ZKSCAN8: variants seen among roughly 807,000 people sequenced by gnomAD.
ZKSCAN8 encodes zinc finger with KRAB and SCAN domains 8, also known as zinc finger protein with KRAB and SCAN domains 8.
ZKSCAN8 carries 27 observed loss-of-function variants against 57.2 expected under a neutral mutation model. The observed-to-expected ratio is 0.47, with a 90% CI of 0.35 to 0.65. ZKSCAN8 has a LOEUF of 0.65. ZKSCAN8 is among the 30% of genes least tolerant of loss of function. ZKSCAN8 has a pLI of 0.01. For synonymous variants in ZKSCAN8, 214 were observed against 248.7 expected (o/e 0.86, Z 1.31); for missense variants, 597 against 696.3 (o/e 0.86, Z 1.60).
chr6:28,153,499 C>G lies in ZKSCAN8; in HGVS notation c.1219C>G (p.Gln407Glu), dbSNP rs1195286725. The G allele has an allele frequency of 2.5e-6, 4 of 1,610,830 alleles. No individual in the cohort carries two copies. The highest frequency in any genetic ancestry group is 2.5e-6 in the Non-Finnish European group (3 of 1,177,994). Residue 407 changes from glutamine (Q) to glutamate (E), a missense_variant, in exon 6 of 6, where the codon CAG becomes GAG. Gln to Glu is a conservative substitution (Grantham distance 29). Coordinates refer to ENST00000330236, the MANE Select transcript of ZKSCAN8 (RefSeq NM_006298.4). ...QRIHTGEKPY[Q>E]CNQCGKAFSQ... ...AATCCACACTGGGGAGAAGCCATAT[C>G]AGTGCAATCAGTGTGGGAAGGCTTT...
intron 1 of ZKSCAN8, 118 bp from the exon 2 acceptor site, chr6:28,148,198 G>T: frequency 2.0e-6 from 1 of 501,372 alleles, no homozygotes; most frequent in Non-Finnish European, 3.5e-6. Context: ...CAGTGGGGAG[G>T]ATCATTTAAT....
At position 28,145,535 on chromosome 6, in the gene ZKSCAN8, T is replaced by TA. The variant is rs949962060; in HGVS notation, c.-92-2770dup. 1.5e-3 allele frequency among the ~76,000 whole-genome samples: 216 copies of TA among 145,646 alleles called. 2 individuals are homozygous for TA. The East Asian group carries it at 0.026, about 17-fold the overall frequency. On this transcript the variant is annotated intron_variant, in intron 1 of 5. Coordinates refer to ENST00000330236, the MANE Select transcript of ZKSCAN8 (RefSeq NM_006298.4). ...AATCTCTGGCAGTACAGGGCTACTGTAAAAAAAAAAAGTATCATAAACCTG... is the reference window on the plus strand; with the variant it reads ...AATCTCTGGCAGTACAGGGCTACTGTAAAAAAAAAAAAGTATCATAAACCTG...
At chr6:28,143,449 A>G (rs192600678) in intron 1 of ZKSCAN8, among the ~76,000 whole-genome samples, 1 of 152,352 alleles carries the variant, frequency 6.6e-6, no homozygotes, top group East Asian at 1.9e-4. Context: ...TCAACAATAT[A>G]AAGTTCTTGA....
At chr6:28,152,110 AT>A in intron 4 of ZKSCAN8, 150 bp from the exon 5 acceptor site, 1 of 1,392,008 alleles carries the variant, frequency 7.2e-7, no homozygotes, top group Non-Finnish European at 9.7e-7. Context: ...AATCTCATGC[AT>A]TTTCCTCTTC....
intron 1 of ZKSCAN8, among the ~76,000 whole-genome samples, chr6:28,146,073 A>G (rs1335277755): frequency 6.6e-6 from 1 of 152,262 alleles, no homozygotes; most frequent in Non-Finnish European, 1.5e-5. Context: ...TGGAAACCAT[A>G]GACATATATT....
rs1421084403 is a variant in ZKSCAN8, at chr6:28,155,962, T to C, written c.*1945T>C. 2.5e-6 allele frequency: 1 copy of C among 394,852 alleles called. No individual in the cohort carries two copies. Among genetic ancestry groups the C allele is most frequent in the Non-Finnish European group, 4.5e-6 (1 of 224,006 alleles). 24.5% of individuals were successfully genotyped at this position (394,852 alleles called of 1,614,324 possible). On this transcript the variant is annotated 3_prime_UTR_variant, in exon 6 of 6. Coordinates refer to ENST00000330236, the MANE Select transcript of ZKSCAN8 (RefSeq NM_006298.4). ...TCTCTTGTTTCTTTTATTTATAAGT[T>C]ACCATTCCTAGTTTCTTTGTACTTG...
intron 3 of ZKSCAN8, among the ~76,000 whole-genome samples, chr6:28,151,480 A>T: frequency 6.6e-6 from 1 of 152,262 alleles, no homozygotes; most frequent in East Asian, 1.9e-4. Flanking sequence ...ATTAATAGAG[A>T]CTGGTTGATT....
In ZKSCAN8 at chr6:28,147,280, TAGTC is replaced by T. The variant is rs1183331955; in HGVS notation, c.-92-1032_-92-1029del. The stretch of plus-strand genomic sequence containing the variant: ...CACATAAAAAGATGCTCAACATTAT[TAGTC>T]AGTAGAGAAATGCATACTAAAGCCA... On this transcript the variant is annotated intron_variant, in intron 1 of 5. Transcript: ENST00000330236. 3.3e-5 allele frequency among the ~76,000 whole-genome samples: 5 copies of T among 152,126 alleles called. No individual in the cohort carries two copies. The South Asian group carries it at 8.3e-4, about 25-fold the overall frequency.
At chr6:28,152,079 G>T in intron 4 of ZKSCAN8, 143 bp downstream of exon 4, 1 of 1,362,210 alleles carries the variant, frequency 7.3e-7, no homozygotes. Context: ...GGGACAGATT[G>T]ATCCTGAATT....
chr6:28,152,242 G>T lies in ZKSCAN8; in HGVS notation c.652-19G>T. 1 of 1,595,222 alleles carries T rather than the reference G, an allele frequency of 6.3e-7. No individual in the cohort carries two copies. Among genetic ancestry groups the T allele is most frequent in the Non-Finnish European group, 8.5e-7 (1 of 1,173,178 alleles). ...TGGAACAGTCCCAGTCCCCAAATGGGGATCTTGTTTTGTTTCAGACTTTGG... is the reference window on the plus strand; with the variant it reads ...TGGAACAGTCCCAGTCCCCAAATGGTGATCTTGTTTTGTTTCAGACTTTGG... On this transcript the variant is annotated intron_variant, in intron 4 of 5. Transcript: ENST00000330236.
At chr6:28,149,646 A>T in intron 3 of ZKSCAN8, 22 bp downstream of exon 3, 1 of 1,613,010 alleles carries the variant, frequency 6.2e-7, no homozygotes, top group Non-Finnish European at 8.5e-7. Flanking sequence ...GATTTCATTG[A>T]TGATAAGGGG....
Position 28,144,054 on chromosome 6 carries a change from G to C in ZKSCAN8, c.-93+2025G>C, listed in dbSNP as rs1765307293. Among the ~76,000 whole-genome samples, 1 of 152,082 alleles carries C rather than the reference G, an allele frequency of 6.6e-6. No homozygotes were observed. Among genetic ancestry groups the C allele is most frequent in the African/African-American group, 2.4e-5 (1 of 41,408 alleles). On this transcript the variant is annotated intron_variant, in intron 1 of 5. Coordinates refer to ENST00000330236, the MANE Select transcript of ZKSCAN8 (RefSeq NM_006298.4). The surrounding 1 kb of genome is among the most constrained non-coding windows in gnomAD (Gnocchi z 4.5). ...ATGAACTATACCCCCAATGTTAATT[G>C]ATATATTTAACCATATCTTTTGCTC...
chr6:28,146,894 A>G (rs1417711285), intron 1 of ZKSCAN8, among the ~76,000 whole-genome samples: 1 of 152,178 alleles, frequency 6.6e-6, no homozygotes, highest in Non-Finnish European at 1.5e-5. Flanking sequence ...ACCTCCATCC[A>G]TACCTCAAAT....
Position 28,152,340 on chromosome 6 carries a change from G to T in ZKSCAN8, c.731G>T (p.Cys244Phe). The change falls in exon 5 of 6, where the codon TGT becomes TTT. Residue 244 changes from cysteine (C) to phenylalanine (F), a missense_variant. By Grantham distance (205) the Cys-to-Phe change is radical (BLOSUM62 -2). Transcript: ENST00000330236. ...WLLDPSQKDL[C>F]RDNRPENFRN... ...CTTGATCCATCACAGAAGGATCTGT[G>T]TAGAGATAACAGGCCAGAAAATTTC... is the stretch of plus-strand genomic sequence containing the variant. The T allele has an allele frequency of 6.2e-7, 1 of 1,613,508 alleles. No homozygotes were observed. The highest frequency in any genetic ancestry group is 8.5e-7 in the Non-Finnish European group (1 of 1,179,854).
rs1765485289 is a variant in ZKSCAN8 at position 28,148,623 on chromosome 6, A to AG, written c.216_217insG (p.Arg73AlafsTer33). On this transcript the variant is annotated frameshift_variant, in exon 2 of 6. Transcript: ENST00000330236. LOFTEE classifies it high-confidence loss of function. ...GACCCCGAGAAGCTCTGATCCAACT[A>AG]CGGGCCCTTTGCCATCAGTGGCTGA... 6.2e-7 allele frequency: 1 copy of AG among 1,613,998 alleles called. No individual in the cohort carries two copies. The highest frequency in any genetic ancestry group is 1.3e-5 in the African/African-American group (1 of 74,910).
chr6:28,141,895 C>G lies in ZKSCAN8; in HGVS notation c.-227C>G, dbSNP rs1398126234. The G allele has an allele frequency of 6.5e-6, 1 of 152,708 alleles. No individual in the cohort carries two copies. Among genetic ancestry groups the G allele is most frequent in the East Asian group, 1.9e-4 (1 of 5,204 alleles). 9.5% of individuals were successfully genotyped at this position (152,708 alleles called of 1,614,324 possible). A position where few individuals can be genotyped will look rare whatever the true frequency, so the allele number is the denominator to read the frequency against. On this transcript the variant is annotated 5_prime_UTR_variant, in exon 1 of 6. Coordinates refer to ENST00000330236, the MANE Select transcript of ZKSCAN8 (RefSeq NM_006298.4). Reference sequence around the variant, plus strand: ...CGTGCTGGCCGGTGTTGTGCCTCCGCAGATTTAGAAGTTAGTGGCCGGAGG... The same window carrying G: ...CGTGCTGGCCGGTGTTGTGCCTCCGGAGATTTAGAAGTTAGTGGCCGGAGG...
chr6:28,149,418 C>G, intron 2 of ZKSCAN8, 65 bp from the exon 3 acceptor site: 1 of 1,590,966 alleles, frequency 6.3e-7, no homozygotes, highest in Non-Finnish European at 8.6e-7. Flanking sequence ...GTTCGTGGTC[C>G]TCTTTCATTG....
At position 28,148,909 on chromosome 6, in the gene ZKSCAN8, GA is replaced by G; in HGVS notation, c.417+86del. 4.2e-6 allele frequency: 6 copies of G among 1,442,942 alleles called. No homozygotes were observed. In the South Asian group the frequency reaches 6.8e-5, roughly 16 times the overall value. 89.4% of individuals were successfully genotyped at this position (1,442,942 alleles called of 1,614,324 possible). A position where few individuals can be genotyped will look rare whatever the true frequency, so the allele number is the denominator to read the frequency against. ...ACATAGGCATCACAGTGGGAGAGCA[GA>G]TGCTTAGCATCAGTTTCTGTTGGAT... On this transcript the variant is annotated intron_variant, in intron 2 of 5. Transcript: ENST00000330236.
In ZKSCAN8 at chr6:28,159,406, T is replaced by C. The variant is rs886207784; in HGVS notation, c.*5389T>C. Reference sequence around the variant, plus strand: ...ACATTTGTATCTCTGCACCCCCGAGTGCCTAGTATAGTGCTGAGCACATAG... The same window carrying C: ...ACATTTGTATCTCTGCACCCCCGAGCGCCTAGTATAGTGCTGAGCACATAG... On this transcript the variant is annotated 3_prime_UTR_variant, in exon 6 of 6. Transcript: ENST00000330236. 1.3e-5 allele frequency: 2 copies of C among 152,240 alleles called. No individual in the cohort carries two copies. The highest frequency in any genetic ancestry group is 4.8e-5 in the African/African-American group (2 of 41,466). The allele number at this position is 152,240 out of a possible 1,614,324, so 9.4% of individuals were successfully genotyped here. A position where few individuals can be genotyped will look rare whatever the true frequency, so the allele number is the denominator to read the frequency against.
Sources: allele counts gnomAD v4.1 joint callset (sites outside exome capture counted in the v4.1 genomes callset), GRCh38; gene constraint gnomAD v4.1.1; non-coding constraint Gnocchi (gnomAD v3.1); transcripts MANE v1.5; gene names NCBI Gene and HGNC (gene_info 2026-07-23, HGNC 2026-07-21).